SNTG1: variants seen among roughly 807,000 people sequenced by gnomAD.
The protein encoded by SNTG1 is gamma-1-syntrophin.
Under a neutral mutation model 74.7 loss-of-function variants are expected in SNTG1, and 39 were observed. The observed-to-expected ratio is 0.52, with a 90% CI of 0.40 to 0.68. SNTG1 has a LOEUF of 0.68. Among genes scored for constraint, SNTG1 ranks in the 30% least tolerant of loss-of-function variants. SNTG1 has a pLI of 0.00. For missense variants in SNTG1, 685 were observed against 609.5 expected (o/e 1.12, Z -1.30); for synonymous variants, 254 against 217.1 (o/e 1.17, Z -1.49).
rs555035165 is a variant in SNTG1, at chr8:50,073,346, G to A, written c.-102-99215G>A. ...CTCATACATTCAAGTTTTATCATGA[G>A]CTCAATAATTCAGCAATTCATACAT... On this transcript the variant is annotated intron_variant, in intron 1 of 18. Coordinates refer to ENST00000642720, the MANE Select transcript of SNTG1 (RefSeq NM_018967.5). Among the ~76,000 whole-genome samples the A allele has an allele frequency of 3.1e-4, 47 of 152,212 alleles. 1 individual carries two copies. Among genetic ancestry groups the A allele is most frequent in the Middle Eastern group, 6.8e-3 (2 of 294 alleles).
At chr8:50,634,334 T>A (rs941703478) in intron 13 of SNTG1, among the ~76,000 whole-genome samples, 1 of 152,192 alleles carries the variant, frequency 6.6e-6, no homozygotes, top group Admixed American at 6.5e-5. Context: ...CCTTTGCTGG[T>A]CAAATTGTCT....
In SNTG1 at chr8:50,685,856, A is replaced by G. The variant is rs561536480; in HGVS notation, c.1039-18744A>G. 2.0e-5 allele frequency among the ~76,000 whole-genome samples: 3 copies of G among 152,268 alleles called. No individual in the cohort carries two copies. In the South Asian group the frequency reaches 6.2e-4, roughly 32 times the overall value. ...AGCATGTTTTCATTTCAGTGTTAATACTGTTAGCTAATTGTGTTAAAGATG... is the reference window on the plus strand; with the variant it reads ...AGCATGTTTTCATTTCAGTGTTAATGCTGTTAGCTAATTGTGTTAAAGATG... On this transcript the variant is annotated intron_variant, in intron 15 of 18. Coordinates refer to ENST00000642720, the MANE Select transcript of SNTG1 (RefSeq NM_018967.5).
At chr8:50,017,166 T>A (rs10957742) in intron 1 of SNTG1, among the ~76,000 whole-genome samples, 78,920 of 152,002 alleles carry the variant, frequency 0.52, 24,020 homozygotes, top group East Asian at 0.8. Flanking sequence ...TACTACATTG[T>A]CCTTAGGTCA....
chr8:50,260,183 A>G (rs2087111320), intron 2 of SNTG1, among the ~76,000 whole-genome samples: 1 of 152,186 alleles, frequency 6.6e-6, no homozygotes, highest in Admixed American at 6.5e-5. Flanking sequence ...AGTTTAAGCA[A>G]CTGAGAGGAA....
intron 13 of SNTG1, among the ~76,000 whole-genome samples, chr8:50,651,502 G>A (rs778039968): frequency 6.6e-6 from 1 of 152,030 alleles, no homozygotes; most frequent in African/African-American, 2.4e-5. Flanking sequence ...TTGTTGCCCA[G>A]ACTGGAGTGC....
At chr8:50,008,084 G>C (rs1252892470) in intron 1 of SNTG1, among the ~76,000 whole-genome samples, 1 of 152,050 alleles carries the variant, frequency 6.6e-6, no homozygotes, top group African/African-American at 2.4e-5. Context: ...TACAATTCAA[G>C]ATGAGATTTG....
chr8:50,606,020 T>C (rs1309302031), intron 13 of SNTG1, among the ~76,000 whole-genome samples: 1 of 152,172 alleles, frequency 6.6e-6, no homozygotes, highest in African/African-American at 2.4e-5. Context: ...TTGAATTTCC[T>C]TTGCTAGTAT....
intron 2 of SNTG1, among the ~76,000 whole-genome samples, chr8:50,294,238 C>A (rs2089261525): frequency 6.6e-6 from 1 of 152,026 alleles, no homozygotes; most frequent in Non-Finnish European, 1.5e-5. Flanking sequence ...GTCAAATAGA[C>A]CAGTAAGAAC....
intron 18 of SNTG1, among the ~76,000 whole-genome samples, chr8:50,778,323 T>C (rs960375458): frequency 2.0e-5 from 3 of 152,164 alleles, no homozygotes; most frequent in African/African-American, 7.2e-5. Context: ...CCACTGACAG[T>C]GTAAAAGTGT....
At chr8:50,605,496 C>A (rs950448049) in intron 13 of SNTG1, among the ~76,000 whole-genome samples, 1 of 152,154 alleles carries the variant, frequency 6.6e-6, no homozygotes, top group African/African-American at 2.4e-5. Flanking sequence ...GAGCAACAGT[C>A]TTTGGTCTTT....
chr8:49,970,905 T>A (rs1585712314), intron 1 of SNTG1, among the ~76,000 whole-genome samples: 2 of 152,074 alleles, frequency 1.3e-5, no homozygotes, highest in Non-Finnish European at 2.9e-5. Context: ...TGGGTTCAGA[T>A]GAAAAGAGTC....
chr8:50,168,426 C>T (rs1178226323), intron 1 of SNTG1, among the ~76,000 whole-genome samples: 1 of 152,082 alleles, frequency 6.6e-6, no homozygotes, highest in African/African-American at 2.4e-5. Context: ...ATATGTACCT[C>T]TCATCTGAAG....
chr8:50,232,941 T>A (rs1021422403), intron 2 of SNTG1, among the ~76,000 whole-genome samples: 59 of 151,530 alleles, frequency 3.9e-4, no homozygotes, highest in African/African-American at 1.4e-3. Flanking sequence ...AATAAAGTCA[T>A]ACTGTGTTCA....
At chr8:50,356,104 C>T (rs1428175327) in intron 2 of SNTG1, among the ~76,000 whole-genome samples, 1 of 151,670 alleles carries the variant, frequency 6.6e-6, no homozygotes. Context: ...TTCTGATTTT[C>T]CATCCATGTG....
chr8:50,144,970 T>A (rs2081805774), intron 1 of SNTG1, among the ~76,000 whole-genome samples: 1 of 152,170 alleles, frequency 6.6e-6, no homozygotes, highest in Admixed American at 6.5e-5. Context: ...TGCAGTGCTC[T>A]GGGCTTTGGG....
chr8:50,600,275 C>G (rs935046701), intron 13 of SNTG1, among the ~76,000 whole-genome samples: 5 of 151,522 alleles, frequency 3.3e-5, no homozygotes, highest in Non-Finnish European at 5.9e-5. Context: ...TCAGATATGC[C>G]TTTGTCTGAT....
chr8:50,016,875 C>A (rs867313150), intron 1 of SNTG1, among the ~76,000 whole-genome samples: 13 of 152,108 alleles, frequency 8.5e-5, no homozygotes, highest in African/African-American at 2.6e-4. Flanking sequence ...AATGAGTTTG[C>A]ACCAACTAAT....
At chr8:49,994,792 A>G (rs901765996) in intron 1 of SNTG1, among the ~76,000 whole-genome samples, 2 of 152,138 alleles carry the variant, frequency 1.3e-5, no homozygotes, top group Non-Finnish European at 2.9e-5. Context: ...GGAACTTAGT[A>G]AGACACTGAA....
chr8:50,082,967 T>A (rs894146013), intron 1 of SNTG1, among the ~76,000 whole-genome samples: 2 of 152,140 alleles, frequency 1.3e-5, no homozygotes, highest in Non-Finnish European at 2.9e-5. Flanking sequence ...CTTTTTTCAA[T>A]TGCCACTGAG....
Sources: allele counts gnomAD v4.1 joint callset (sites outside exome capture counted in the v4.1 genomes callset), GRCh38; gene constraint gnomAD v4.1.1; transcripts MANE v1.5; gene names NCBI Gene and HGNC (gene_info 2026-07-23, HGNC 2026-07-21).